The following MPP4 variants were observed in gnomAD, a reference collection of about 807,000 sequenced individuals.
MPP4 encodes the protein MAGUK p55 subfamily member 4.
MPP4 carries 91 observed loss-of-function variants against 98.3 expected under a neutral mutation model. That is an observed-to-expected ratio of 0.93 (90% CI 0.78 to 1.10). The LOEUF is 1.10. Among genes scored for constraint, MPP4 ranks in the 50% least tolerant of loss-of-function variants. The pLI is 0.00. For missense variants in MPP4, 744 were observed against 792.9 expected, an observed-to-expected ratio of 0.94 and a Z score of 0.74; for synonymous variants, 261 against 271.8, an observed-to-expected ratio of 0.96 and a Z score of 0.39.
intron 20 of MPP4, among the ~76,000 whole-genome samples, chr2:201,648,465 T>A (rs1276954652): frequency 6.6e-6 from 1 of 152,210 alleles, no homozygotes; most frequent in African/African-American, 2.4e-5. Context: ...ATGAACATTT[T>A]AAAAATTTGA....
intron 12 of MPP4, among the ~76,000 whole-genome samples, chr2:201,668,010 T>A (rs1688231129): frequency 6.6e-6 from 1 of 152,192 alleles, no homozygotes; most frequent in Non-Finnish European, 1.5e-5. Context: ...AATTAGATTG[T>A]TATTAGCCAT....
At position 201,656,190 on chromosome 2, in the gene MPP4, G is replaced by A; in HGVS notation, c.1300+8C>T. The A allele has an allele frequency of 1.3e-5, 20 of 1,597,616 alleles. No homozygotes were observed. Among genetic ancestry groups the A allele is most frequent in the Non-Finnish European group, 1.7e-5 (20 of 1,171,854 alleles). On this transcript the variant is annotated splice_region_variant and intron_variant, in intron 17 of 21. Coordinates refer to ENST00000409474, the MANE Select transcript of MPP4 (RefSeq NM_033066.3). ...GGAGGAGGAGAGACAGTGCATGCTGGGACATACCCATGAGCACTATGAGGC... is the reference window on the plus strand; with the variant it reads ...GGAGGAGGAGAGACAGTGCATGCTGAGACATACCCATGAGCACTATGAGGC...
At chr2:201,662,187 C>A in intron 14 of MPP4, 1 of 196,260 alleles carries the variant, frequency 5.1e-6, no homozygotes, top group Non-Finnish European at 1.0e-5. Context: ...CAATACAATG[C>A]TCCAGCTGTA....
chr2:201,688,973 AAGC>A (rs1486343497), intron 4 of MPP4, among the ~76,000 whole-genome samples: 1 of 152,126 alleles, frequency 6.6e-6, no homozygotes, highest in African/African-American at 2.4e-5. Flanking sequence ...TGAATGGAGA[AAGC>A]ATTGAGTGTG....
intron 8 of MPP4, among the ~76,000 whole-genome samples, chr2:201,682,378 C>T (rs1460934471): frequency 2.0e-5 from 3 of 152,202 alleles, no homozygotes. Flanking sequence ...GTTTGAGAAC[C>T]ACTGGTCTAT....
At chr2:201,675,109 G>A in intron 11 of MPP4, 98 bp downstream of exon 11, 1 of 1,260,318 alleles carries the variant, frequency 7.9e-7, no homozygotes, top group Non-Finnish European at 1.1e-6. Flanking sequence ...CTCCCATGTG[G>A]CATGGCCAGC....
At chr2:201,650,189 G>A in intron 18 of MPP4, 24 bp from the exon 19 acceptor site, 1 of 1,544,042 alleles carries the variant, frequency 6.5e-7, no homozygotes, top group Non-Finnish European at 8.7e-7. Context: ...GGAATGAAAG[G>A]TTTCAGTGTC....
rs1688867765 is a variant in MPP4, at chr2:201,687,346, G to A, written c.305C>T (p.Pro102Leu). 6.3e-7 allele frequency: 1 copy of A among 1,582,742 alleles called. No individual in the cohort carries two copies. ...CAGCTCTTGGATCTCAGGGGAAGTA[G>A]GGGTTTCACGTAATAACTCCACTAC... is the stretch of plus-strand genomic sequence containing the variant. ...YEVVELLRETPTSPEIQELRQ... is the reference protein window; with the variant it reads ...YEVVELLRETLTSPEIQELRQ... The change falls in exon 5 of 22, where the codon CCT becomes CTT. Residue 102 changes from proline (P) to leucine (L), a missense_variant. Pro to Leu is a moderately conservative substitution (Grantham distance 98). Transcript: ENST00000409474.
At chr2:201,696,623 G>C (rs917502052) in intron 1 of MPP4, among the ~76,000 whole-genome samples, 12 of 152,158 alleles carry the variant, frequency 7.9e-5, no homozygotes, top group African/African-American at 2.9e-4. Flanking sequence ...TCAGCAGTTG[G>C]GGGCACACAC....
rs1208076 is a variant in MPP4, at chr2:201,662,610, C to T, written c.1072+1471G>A. ...TGCTTATATTAATATTTACTTATAA[C>T]GAAGCATGGATTCAAGAGAAGTAAG... On this transcript the variant is annotated intron_variant, in intron 14 of 21. Coordinates refer to ENST00000409474, the MANE Select transcript of MPP4 (RefSeq NM_033066.3). 3.4e-3 allele frequency among the ~76,000 whole-genome samples: 508 copies of T among 148,870 alleles called. 3 individuals carry two copies. Among genetic ancestry groups the T allele is most frequent in the African/African-American group, 0.012 (480 of 40,354 alleles).
chr2:201,654,063 G>A (rs549793911), intron 18 of MPP4, among the ~76,000 whole-genome samples: 1 of 151,384 alleles, frequency 6.6e-6, no homozygotes, highest in Non-Finnish European at 1.5e-5. Flanking sequence ...TGCAACCTCC[G>A]CCTCCCAGGT....
chr2:201,671,483 G>T (rs184108503), intron 11 of MPP4, among the ~76,000 whole-genome samples: 1 of 152,016 alleles, frequency 6.6e-6, no homozygotes, highest in African/African-American at 2.4e-5. Flanking sequence ...AGGACCCATC[G>T]GTGTGCTGTA....
In MPP4 at chr2:201,681,528, C is replaced by T. The variant is rs1331344723; in HGVS notation, c.700G>A (p.Val234Ile). The change falls in exon 9 of 22, where the codon GTC becomes ATC. Residue 234 changes from valine (V) to isoleucine (I), a missense_variant. Physicochemically the swap from Val to Ile is conservative, Grantham distance 29 (BLOSUM62 3). Coordinates refer to ENST00000409474, the MANE Select transcript of MPP4 (RefSeq NM_033066.3). ...TGGCTATTCACAGGAGGGTCAGAGA[C>T]TGGAACCACCTTGAACATGATTGTG... ...RGTIMFKVVP[V>I]SDPPVNSQQM... 1 of 1,613,836 alleles carries T rather than the reference C, an allele frequency of 6.2e-7. No homozygotes were observed. The highest frequency in any genetic ancestry group is 1.7e-5 in the Admixed American group (1 of 60,006).
At chr2:201,664,383 A>G (rs1465018313) in intron 13 of MPP4, 5 of 1,336,452 alleles carry the variant, frequency 3.7e-6, no homozygotes, top group Middle Eastern at 2.0e-4. Flanking sequence ...AAAATGTAAA[A>G]AGCAGCTCAG....
At position 201,657,590 on chromosome 2, in the gene MPP4, G is replaced by GTTTTTTTTTTT. The variant is rs929926346; in HGVS notation, c.1129+886_1129+887insAAAAAAAAAAA. Among the ~76,000 whole-genome samples the GTTTTTTTTTTT allele has an allele frequency of 1.8e-3, 167 of 91,016 alleles. 22 individuals carry two copies. Among genetic ancestry groups the GTTTTTTTTTTT allele is most frequent in the East Asian group, 9.6e-3 (25 of 2,592 alleles). The allele number at this position is 91,016 out of a possible 152,430, so 59.7% of individuals were successfully genotyped here. A position where few individuals can be genotyped will look rare whatever the true frequency, so the allele number is the denominator to read the frequency against. ...TCTAACAGTGAGAACCCTGGCCCTTGTTTTTTTTTTGTTTTTTTGTTTTTT... is the reference window on the plus strand; with the variant it reads ...TCTAACAGTGAGAACCCTGGCCCTTGTTTTTTTTTTTTTTTTTTTTTGTTTTTTTGTTTTTT... On this transcript the variant is annotated intron_variant, in intron 16 of 21. Coordinates refer to ENST00000409474, the MANE Select transcript of MPP4 (RefSeq NM_033066.3).
At chr2:201,683,952 G>C (rs1688740528) in intron 7 of MPP4, among the ~76,000 whole-genome samples, 1 of 152,164 alleles carries the variant, frequency 6.6e-6, no homozygotes, top group Non-Finnish European at 1.5e-5. Context: ...AGGTGTGGTG[G>C]CTCATACCTG....
intron 14 of MPP4, chr2:201,661,486 G>C (rs201005984): frequency 1.3e-5 from 6 of 456,490 alleles, no homozygotes; most frequent in Admixed American, 2.4e-5. Context: ...AGAACGTATC[G>C]ATGCTTGAGA....
chr2:201,658,286 T>C (rs981213224), intron 16 of MPP4, among the ~76,000 whole-genome samples, 191 bp downstream of exon 16: 1 of 152,130 alleles, frequency 6.6e-6, no homozygotes, highest in African/African-American at 2.4e-5. Context: ...CAGTGGAAAT[T>C]AGATGAATAA....
chr2:201,682,749 T>C (rs1368458723), intron 8 of MPP4, 82 bp downstream of exon 8: 1 of 1,188,150 alleles, frequency 8.4e-7, no homozygotes, highest in Admixed American at 1.7e-5. Context: ...TACATCCCAG[T>C]GCACACACGT....
Sources: gnomAD v4.1 joint callset for allele counts (sites outside exome capture counted in the v4.1 genomes callset) on GRCh38, gnomAD v4.1.1 for gene constraint, MANE v1.5 for transcripts, NCBI Gene and HGNC (gene_info 2026-07-23, HGNC 2026-07-21) for gene names.